GMEB1: variants seen among roughly 807,000 people sequenced by gnomAD.
GMEB1 encodes glucocorticoid modulatory element binding protein 1, also known as glucocorticoid modulatory element-binding protein 1.
GMEB1 carries 6 observed loss-of-function variants against 52.4 expected under a neutral mutation model. The observed-to-expected ratio is 0.11, with a 90% CI of 0.06 to 0.23. GMEB1 has a LOEUF of 0.23. Among genes scored for constraint, GMEB1 ranks in the 10% least tolerant of loss-of-function variants. The pLI is 1.00. For missense variants in GMEB1, 486 were observed against 685.6 expected, an observed-to-expected ratio of 0.71 and a Z score of 3.25; for synonymous variants, 255 against 244.9, an observed-to-expected ratio of 1.04 and a Z score of -0.38.
chr1:28,685,324 C>T (rs1471544171), intron 2 of GMEB1, among the ~76,000 whole-genome samples: 1 of 151,832 alleles, frequency 6.6e-6, no homozygotes, highest in Non-Finnish European at 1.5e-5. Context: ...ATTCTCCTGC[C>T]TCAGACTCCC....
Position 28,714,513 on chromosome 1 carries a change from A to G in GMEB1, c.1432A>G (p.Met478Val). ...GCAGGATGGGAGTACACTGGGCAAC[A>G]TGACCACCATGGTTAGCCCTGTGGA... ...AMQDGSTLGNMTTMVSPVELV... is the reference protein window; with the variant it reads ...AMQDGSTLGNVTTMVSPVELV... The change falls in exon 10 of 10, where the codon ATG (methionine) becomes GTG (valine). Residue 478 changes from methionine to valine, a missense_variant. Met to Val is a conservative substitution (Grantham distance 21, BLOSUM62 1). Coordinates refer to ENST00000373816, the MANE Select transcript of GMEB1 (RefSeq NM_001319674.2). The G allele has an allele frequency of 6.2e-7, 1 of 1,614,188 alleles. No individual in the cohort carries two copies. Among genetic ancestry groups the G allele is most frequent in the Non-Finnish European group, 8.5e-7 (1 of 1,180,020 alleles).
intron 2 of GMEB1, among the ~76,000 whole-genome samples, chr1:28,687,421 G>T (rs1669732179): frequency 7.2e-6 from 1 of 138,734 alleles, no homozygotes; most frequent in South Asian, 2.3e-4. Context: ...GTTCTGGGAA[G>T]TGGCAGAAAT....
In GMEB1 at chr1:28,690,179, A is replaced by C; in HGVS notation, c.204A>C (p.Glu68Asp). The change falls in exon 3 of 10, where the codon GAA becomes GAC. Residue 68 changes from glutamate to aspartate, a missense_variant. Glu to Asp is a conservative substitution (Grantham distance 45, BLOSUM62 2). Coordinates refer to ENST00000373816, the MANE Select transcript of GMEB1 (RefSeq NM_001319674.2). ...CTCACACGATACACAAAATTGAAGA[A>C]GGGATTGGTAAGGGTTTTTTTGTGT... ...VETHTIHKIE[E>D]GIDTGTIEAN... 7.5e-7 allele frequency: 1 copy of C among 1,341,318 alleles called. No homozygotes were observed. The highest frequency in any genetic ancestry group is 1.0e-6 in the Non-Finnish European group (1 of 953,104). The allele number at this position is 1,341,318 out of a possible 1,614,324, so 83.1% of individuals were successfully genotyped here. A position where few individuals can be genotyped will look rare whatever the true frequency, so the allele number is the denominator to read the frequency against.
Position 28,714,354 on chromosome 1 carries a change from A to T in GMEB1, c.1273A>T (p.Thr425Ser). 1 of 1,614,164 alleles carries T rather than the reference A, an allele frequency of 6.2e-7. No individual in the cohort carries two copies. The highest frequency in any genetic ancestry group is 1.7e-5 in the Admixed American group (1 of 60,020). Residue 425 changes from threonine to serine, a missense_variant, in exon 10 of 10, where the codon ACT becomes TCT. By Grantham distance (58) the Thr-to-Ser change is moderately conservative. This residue lies in a region of GMEB1 where 153 missense variants were observed against 200.8 expected (regional missense o/e 0.76). Coordinates refer to ENST00000373816, the MANE Select transcript of GMEB1 (RefSeq NM_001319674.2). Reference sequence around the variant, plus strand: ...CCTCAGCCAGGGCTCCAGTCCTGTGACTGTCCACACACTGCCTTCTGGCCC... The same window carrying T: ...CCTCAGCCAGGGCTCCAGTCCTGTGTCTGTCCACACACTGCCTTCTGGCCC... ...ATLSQGSSPV[T>S]VHTLPSGPQL...
chr1:28,710,498 G>T (rs748004808), intron 8 of GMEB1, 22 bp from the exon 9 acceptor site: 1 of 1,574,584 alleles, frequency 6.4e-7, no homozygotes, highest in Non-Finnish European at 8.6e-7. Context: ...AACTGGACAG[G>T]CATGTCTTTT....
intron 1 of GMEB1, among the ~76,000 whole-genome samples, chr1:28,679,093 T>G (rs1404948450): frequency 6.6e-6 from 1 of 151,418 alleles, no homozygotes; most frequent in Admixed American, 6.6e-5. Context: ...ACCATGTTGG[T>G]CAGGATGGTC....
rs61787560 is a variant in GMEB1, at chr1:28,712,097, C to T, written c.991+1455C>T. 1.3e-3 allele frequency among the ~76,000 whole-genome samples: 199 copies of T among 152,186 alleles called. 1 individual carries two copies. The highest frequency in any genetic ancestry group is 3.4e-3 in the Middle Eastern group (1 of 294). Reference sequence around the variant, plus strand: ...TGGGGTTCCCACAATCACCTTCTTGCGTTTGATTAATTTGCTAAGGTGGCT... The same window carrying T: ...TGGGGTTCCCACAATCACCTTCTTGTGTTTGATTAATTTGCTAAGGTGGCT... On this transcript the variant is annotated intron_variant, in intron 9 of 9. Transcript: ENST00000373816.
chr1:28,672,060 C>T (rs1048341947), intron 1 of GMEB1, among the ~76,000 whole-genome samples: 1 of 150,200 alleles, frequency 6.7e-6, no homozygotes, highest in African/African-American at 2.4e-5. Flanking sequence ...TGCAGTGAGC[C>T]GAGACCGTGC....
intron 1 of GMEB1, among the ~76,000 whole-genome samples, chr1:28,682,914 G>A (rs1345161041): frequency 2.0e-5 from 3 of 152,222 alleles, no homozygotes; most frequent in South Asian, 2.1e-4. Flanking sequence ...TGTCAATTTC[G>A]GGTCTGTTTA....
At position 28,702,568 on chromosome 1, in the gene GMEB1, A is replaced by G. The variant is rs763805744; in HGVS notation, c.729A>G (p.Ser243=). The change falls in exon 7 of 10, where the codon TCA becomes TCG. Residue 243 remains serine (S), a splice_region_variant and synonymous_variant. Transcript: ENST00000373816. ...TAAAGAAAGACTCAGAGGAAATTTC[A>G]GGTATTCTTCTATAGGGCTCAGATG... is the stretch of plus-strand genomic sequence containing the variant. ...EGVKKDSEEI[S]EDTLMFWKGI... is the part of the protein sequence containing the mutation. The G allele has an allele frequency of 6.2e-7, 1 of 1,612,884 alleles. No homozygotes were observed.
intron 1 of GMEB1, among the ~76,000 whole-genome samples, chr1:28,678,379 T>C (rs1669248267): frequency 1.3e-5 from 2 of 151,978 alleles, no homozygotes; most frequent in African/African-American, 2.4e-5. Flanking sequence ...TGGCGCAATC[T>C]TGGCTCACTG....
chr1:28,673,843 A>G (rs1175885020), intron 1 of GMEB1, among the ~76,000 whole-genome samples: 1 of 151,874 alleles, frequency 6.6e-6, no homozygotes, highest in Non-Finnish European at 1.5e-5. Context: ...GCAAGACCTC[A>G]TGTCTACAAA....
chr1:28,698,388 A>AAAGAAGC (rs1316140601), intron 6 of GMEB1, among the ~76,000 whole-genome samples: 22 of 151,522 alleles, frequency 1.5e-4, no homozygotes, highest in African/African-American at 4.8e-4. Context: ...AAAAAAAAAA[A>AAAGAAGC]AAGAAGCCTG....
chr1:28,701,080 T>C (rs540981533), intron 6 of GMEB1, among the ~76,000 whole-genome samples: 2 of 152,208 alleles, frequency 1.3e-5, no homozygotes, highest in South Asian at 2.1e-4. Context: ...TATATGCAGG[T>C]GGTCCAGGAA....
chr1:28,674,920 G>A (rs1258420648), intron 1 of GMEB1, among the ~76,000 whole-genome samples: 1 of 139,372 alleles, frequency 7.2e-6, no homozygotes, highest in Non-Finnish European at 1.5e-5. Flanking sequence ...GGGTTTCACC[G>A]TTTTTAGCCG....
chr1:28,698,330 A>T (rs1411697708), intron 6 of GMEB1, among the ~76,000 whole-genome samples: 1 of 150,706 alleles, frequency 6.6e-6, no homozygotes, highest in Non-Finnish European at 1.5e-5. Context: ...GTGAGCCAAG[A>T]TCATTCCACT....
Position 28,714,054 on chromosome 1 carries a change from C to A in GMEB1, c.992-19C>A, listed in dbSNP as rs757043084. On this transcript the variant is annotated intron_variant, in intron 9 of 9. Transcript: ENST00000373816. ...GATTTTACTTCCCTCTACACAAAGTCTTTTCTTTTTTTCCATAGACTTGGA... is the reference window on the plus strand; with the variant it reads ...GATTTTACTTCCCTCTACACAAAGTATTTTCTTTTTTTCCATAGACTTGGA... The A allele has an allele frequency of 3.2e-6, 5 of 1,581,180 alleles. No homozygotes were observed. Among genetic ancestry groups the A allele is most frequent in the Middle Eastern group, 1.7e-4 (1 of 5,910 alleles).
Position 28,685,736 on chromosome 1 carries a change from G to A in GMEB1, c.128+1996G>A, listed in dbSNP as rs138389826. On this transcript the variant is annotated intron_variant, in intron 2 of 9. Transcript: ENST00000373816. ...AGTACTTTGGGAGGCCGAGGTGGGCGGATCACGAGGTCAGGAGTTCGAGAC... is the reference window on the plus strand; with the variant it reads ...AGTACTTTGGGAGGCCGAGGTGGGCAGATCACGAGGTCAGGAGTTCGAGAC... Among the ~76,000 whole-genome samples, 568 of 152,018 alleles carry A rather than the reference G, an allele frequency of 3.7e-3. 7 individuals carry two copies. The highest frequency in any genetic ancestry group is 0.013 in the African/African-American group (537 of 41,466).
chr1:28,681,559 A>C (rs1305469128), intron 1 of GMEB1, among the ~76,000 whole-genome samples: 1 of 152,082 alleles, frequency 6.6e-6, no homozygotes, highest in African/African-American at 2.4e-5. Context: ...AGGACTTAAG[A>C]TTCTTGGGGT....
Sources: gnomAD v4.1 joint callset for allele counts (sites outside exome capture counted in the v4.1 genomes callset) on GRCh38, gnomAD v4.1.1 for gene constraint, gnomAD v4.1.1 regional missense constraint, MANE v1.5 for transcripts, NCBI Gene and HGNC (gene_info 2026-07-23, HGNC 2026-07-21) for gene names.